Variants in NEDD9 observed in about 807,000 individuals in gnomAD.
NEDD9 encodes the protein enhancer of filamentation 1.
In NEDD9, 26 loss-of-function variants were observed where a neutral mutation model predicts 76.6. That is an observed-to-expected ratio of 0.34 (90% CI 0.25 to 0.47). The LOEUF is 0.47. NEDD9 is among the 20% of genes least tolerant of loss of function. The pLI is 1.00. For missense variants in NEDD9, 937 were observed against 1,058.5 expected (o/e 0.89, Z 1.59); for synonymous variants, 392 against 414.2 (o/e 0.95, Z 0.65).
intron 3 of NEDD9, among the ~76,000 whole-genome samples, chr6:11,263,686 C>A (rs1477017572): frequency 1.3e-5 from 2 of 152,278 alleles, no homozygotes; most frequent in East Asian, 3.9e-4. Context: ...AAGGGTGTCA[C>A]ACGTGGATAG....
At chr6:11,265,618 T>C (rs1760187196) in intron 3 of NEDD9, among the ~76,000 whole-genome samples, 1 of 152,228 alleles carries the variant, frequency 6.6e-6, no homozygotes, top group African/African-American at 2.4e-5. Context: ...GCAATTCTTT[T>C]GGAGGCAATT....
At chr6:11,302,523 A>G (rs532359429) in intron 3 of NEDD9, among the ~76,000 whole-genome samples, 1 of 152,374 alleles carries the variant, frequency 6.6e-6, no homozygotes, top group South Asian at 2.1e-4. Context: ...TTATGAGGCT[A>G]GAATCATCCT....
At chr6:11,191,871 G>A (rs1216189056) in intron 4 of NEDD9, among the ~76,000 whole-genome samples, 1 of 152,160 alleles carries the variant, frequency 6.6e-6, no homozygotes, top group Non-Finnish European at 1.5e-5. Flanking sequence ...CAGTCATGGT[G>A]GCGTGCACCT....
intron 1 of NEDD9, among the ~76,000 whole-genome samples, chr6:11,373,180 G>T (rs1409891017): frequency 6.6e-6 from 1 of 151,360 alleles, no homozygotes; most frequent in African/African-American, 2.4e-5. Context: ...TGAAGAAAAT[G>T]AAATAATCAT....
intron 1 of NEDD9, among the ~76,000 whole-genome samples, chr6:11,345,830 G>A (rs550991331): frequency 3.8e-4 from 58 of 152,360 alleles, no homozygotes; most frequent in African/African-American, 1.4e-3. Flanking sequence ...GTCAGTGTGA[G>A]AGACAGAGCA....
intron 1 of NEDD9, among the ~76,000 whole-genome samples, chr6:11,224,583 G>A (rs1464383901): frequency 6.6e-6 from 1 of 151,948 alleles, no homozygotes; most frequent in Non-Finnish European, 1.5e-5. Context: ...TCTCAGTCAT[G>A]CCACAGTGAC....
intron 1 of NEDD9, among the ~76,000 whole-genome samples, chr6:11,350,420 C>A (rs1032086958): frequency 6.6e-6 from 1 of 152,234 alleles, no homozygotes; most frequent in Admixed American, 6.5e-5. Context: ...CATTATTTTG[C>A]AACTCTTGCC....
chr6:11,312,048 C>G (rs1686846995), intron 2 of NEDD9, among the ~76,000 whole-genome samples: 3 of 152,044 alleles, frequency 2.0e-5, no homozygotes, highest in African/African-American at 7.2e-5. Flanking sequence ...CAGTTCTGTC[C>G]TCAGCCTCCT....
chr6:11,194,930 A>G (rs1178879667), intron 2 of NEDD9, among the ~76,000 whole-genome samples: 4 of 152,076 alleles, frequency 2.6e-5, no homozygotes, highest in Non-Finnish European at 5.9e-5. Flanking sequence ...CCTAACCCCC[A>G]CCCTTTGAGT....
intron 1 of NEDD9, among the ~76,000 whole-genome samples, chr6:11,348,403 C>A (rs1342549542): frequency 1.3e-5 from 2 of 152,204 alleles, no homozygotes; most frequent in Non-Finnish European, 2.9e-5. Flanking sequence ...CTACCAATGA[C>A]ATTCTTCACA....
intron 3 of NEDD9, among the ~76,000 whole-genome samples, chr6:11,251,886 A>G (rs998220350): frequency 5.9e-5 from 9 of 152,128 alleles, no homozygotes; most frequent in Non-Finnish European, 1.2e-4. Flanking sequence ...GGATGGCTGA[A>G]TGCTGGGGAT....
chr6:11,345,567 T>C (rs1273975211), intron 1 of NEDD9, among the ~76,000 whole-genome samples: 1 of 152,202 alleles, frequency 6.6e-6, no homozygotes, highest in African/African-American at 2.4e-5. Flanking sequence ...TATGCTGTGA[T>C]AGCTACAGGG....
intron 1 of NEDD9, among the ~76,000 whole-genome samples, chr6:11,378,102 G>T (rs909068940): frequency 1.5e-4 from 23 of 152,138 alleles, no homozygotes; most frequent in Admixed American, 1.5e-3. Flanking sequence ...ATTTTGCTGG[G>T]TGTGGTGGCA....
chr6:11,233,139 A>G, upstream of NEDD9: 1 of 455,354 alleles, frequency 2.2e-6, no homozygotes, highest in Non-Finnish European at 4.4e-6. Context: ...ACCCCTGCTG[A>G]TACCTCTCTC....
intron 3 of NEDD9, among the ~76,000 whole-genome samples, chr6:11,250,068 T>A (rs1168753977): frequency 2.6e-5 from 4 of 152,154 alleles, no homozygotes; most frequent in Non-Finnish European, 5.9e-5. Context: ...GGAACAGATG[T>A]GCAAATGGCT....
At chr6:11,187,543 CAGAA>C (rs1758009610) in intron 6 of NEDD9, among the ~76,000 whole-genome samples, 1 of 151,548 alleles carries the variant, frequency 6.6e-6, no homozygotes, top group Non-Finnish European at 1.5e-5. Context: ...GAGGTAGAGA[CAGAA>C]AGAGAGAGAG....
chr6:11,344,141 AG>A (rs1762322237), intron 1 of NEDD9, among the ~76,000 whole-genome samples: 1 of 152,200 alleles, frequency 6.6e-6, no homozygotes, highest in Non-Finnish European at 1.5e-5. Context: ...TCTTAGGTGT[AG>A]TGGGCTCATG....
At chr6:11,278,350 C>T (rs1054442311) in intron 3 of NEDD9, among the ~76,000 whole-genome samples, 10 of 152,166 alleles carry the variant, frequency 6.6e-5, no homozygotes, top group African/African-American at 2.4e-4. Context: ...TGTGCACTGA[C>T]TCACTGAGTC....
rs1757968062 is a variant in NEDD9, at chr6:11,185,856, A to G, written c.1996-185T>C. 2.0e-5 allele frequency among the ~76,000 whole-genome samples: 3 copies of G among 152,348 alleles called. No individual in the cohort carries two copies. In the South Asian group the frequency reaches 6.2e-4, roughly 32 times the overall value. On this transcript the variant is annotated intron_variant, in intron 6 of 6. Transcript: ENST00000379446. Reference sequence around the variant, plus strand: ...TTGTAAAATGTAGACGTTGGGAAAGATGATCCTCAAGCTCAGACCTTCTAT... The same window carrying G: ...TTGTAAAATGTAGACGTTGGGAAAGGTGATCCTCAAGCTCAGACCTTCTAT...
Sources: allele counts gnomAD v4.1 joint callset (sites outside exome capture counted in the v4.1 genomes callset), GRCh38; gene constraint gnomAD v4.1.1; transcripts MANE v1.5; gene names NCBI Gene and HGNC (gene_info 2026-07-23, HGNC 2026-07-21).